SLCO1A2: variants seen among roughly 807,000 people sequenced by gnomAD.
The protein encoded by SLCO1A2 is solute carrier organic anion transporter family member 1A2, also known as OATP-1.
SLCO1A2 carries 67 observed loss-of-function variants against 69.0 expected under a neutral mutation model. The ratio of observed to expected loss-of-function variants is 0.97; its 90% confidence interval spans 0.80 to 1.19. The LOEUF (loss-of-function observed/expected upper bound fraction) is 1.19, where lower values mean the gene tolerates loss of function less well. SLCO1A2 is among the 50% of genes most tolerant of loss of function. The pLI is 0.00. For synonymous variants in SLCO1A2, 260 were observed against 265.9 expected (o/e 0.98, Z 0.22); for missense variants, 787 against 793.7 (o/e 0.99, Z 0.10).
At chr12:21,363,343 C>T (rs368253653) in intron 2 of SLCO1A2, among the ~76,000 whole-genome samples, 30 of 152,198 alleles carry the variant, frequency 2.0e-4, no homozygotes, top group African/African-American at 5.8e-4. Context: ...TTCTTTGAAA[C>T]GAATGAGAAC....
intron 1 of SLCO1A2, among the ~76,000 whole-genome samples, chr12:21,417,490 G>T (rs1203250541): frequency 6.7e-6 from 1 of 149,104 alleles, no homozygotes; most frequent in Non-Finnish European, 1.5e-5. Flanking sequence ...TTAAAAAGAG[G>T]CAATACCAGA....
intron 12 of SLCO1A2, among the ~76,000 whole-genome samples, chr12:21,281,634 A>C (rs940980059): frequency 3.9e-5 from 6 of 152,146 alleles, no homozygotes; most frequent in African/African-American, 1.4e-4. Flanking sequence ...ATTTGAAAAG[A>C]AAAACAAAAC....
In SLCO1A2 at chr12:21,410,482, G is replaced by A. The variant is rs202176340; in HGVS notation, c.-312+7400C>T. Among the ~76,000 whole-genome samples, 9 of 152,232 alleles carry A rather than the reference G, an allele frequency of 5.9e-5. No homozygotes were observed. In the East Asian group the frequency reaches 1.7e-3, roughly 29 times the overall value. On this transcript the variant is annotated intron_variant, in intron 1 of 4. Transcript: ENST00000413682. The stretch of plus-strand genomic sequence containing the variant: ...TCATTAATTTATTGATATAGCTGTA[G>A]AATAGTATACTGGGCAAATGCACCA...
At chr12:21,391,001 G>A (rs1191260739) in intron 1 of SLCO1A2, among the ~76,000 whole-genome samples, 1 of 152,078 alleles carries the variant, frequency 6.6e-6, no homozygotes, top group Non-Finnish European at 1.5e-5. Flanking sequence ...CATTTCAAAG[G>A]TGGGACATGT....
intron 1 of SLCO1A2, among the ~76,000 whole-genome samples, chr12:21,385,256 C>G (rs1940820076): frequency 6.6e-6 from 1 of 152,198 alleles, no homozygotes. Context: ...TGATCACTCA[C>G]TTCTTTGTAT....
chr12:21,279,864 CA>C (rs1944486899), intron 12 of SLCO1A2, among the ~76,000 whole-genome samples: 1 of 151,728 alleles, frequency 6.6e-6, no homozygotes, highest in Admixed American at 6.6e-5. Context: ...AAAGATGAAC[CA>C]ATCAAAAATA....
At chr12:21,345,190 T>G (rs143317361) in intron 2 of SLCO1A2, among the ~76,000 whole-genome samples, 206 of 152,150 alleles carry the variant, frequency 1.4e-3, no homozygotes, top group African/African-American at 4.7e-3. Flanking sequence ...TTTTTACACT[T>G]CTGACGTTTA....
intron 1 of SLCO1A2, among the ~76,000 whole-genome samples, chr12:21,413,543 G>A (rs922648348): frequency 6.6e-6 from 1 of 151,956 alleles, no homozygotes; most frequent in South Asian, 2.1e-4. Context: ...CCCACAGACA[G>A]GTCTGCATGA....
At chr12:21,359,203 G>C (rs1234962848) in intron 2 of SLCO1A2, among the ~76,000 whole-genome samples, 1 of 152,054 alleles carries the variant, frequency 6.6e-6, no homozygotes, top group Non-Finnish European at 1.5e-5. Context: ...TTCCTTCCAA[G>C]CATCCAGGTA....
chr12:21,340,820 A>G (rs1953044542), intron 2 of SLCO1A2, among the ~76,000 whole-genome samples: 1 of 151,860 alleles, frequency 6.6e-6, no homozygotes, highest in Non-Finnish European at 1.5e-5. Flanking sequence ...ACTTTCAAAG[A>G]CCCCAACATA....
chr12:21,344,494 A>T (rs1444606084), intron 2 of SLCO1A2, among the ~76,000 whole-genome samples: 1 of 152,030 alleles, frequency 6.6e-6, no homozygotes, highest in Non-Finnish European at 1.5e-5. Context: ...TGCCCCTCCC[A>T]GTTAGATATA....
intron 3 of SLCO1A2, among the ~76,000 whole-genome samples, chr12:21,318,520 C>A (rs946465957): frequency 6.6e-6 from 1 of 152,066 alleles, no homozygotes; most frequent in Non-Finnish European, 1.5e-5. Context: ...TACTCTGCTA[C>A]TCATGCTACA....
rs187367763 is a variant in SLCO1A2 at position 21,377,540 on chromosome 12, C to T, written c.-189-3015G>A. On this transcript the variant is annotated intron_variant, in intron 1 of 15. Transcript: ENST00000307378. ...CATCTTGCTTGACTGAAGCTGTACA[C>T]CCAATGGTTAGTAACTCCCTATTTC... Among the ~76,000 whole-genome samples the T allele has an allele frequency of 4.3e-3, 653 of 152,272 alleles. 6 individuals carry two copies. The highest frequency in any genetic ancestry group is 0.015 in the African/African-American group (626 of 41,546).
Position 21,304,593 on chromosome 12 carries a change from CAT to C in SLCO1A2, c.443-22_443-21del. On this transcript the variant is annotated intron_variant, in intron 5 of 14. Transcript: ENST00000683939. ...TACACTCTGCATTAAAAAAAAAAGACATGACATTAGTGCTTTGACGATAAAGT... is the reference window on the plus strand; with the variant it reads ...TACACTCTGCATTAAAAAAAAAAGACGACATTAGTGCTTTGACGATAAAGT... The C allele has an allele frequency of 6.3e-7, 1 of 1,575,958 alleles. No individual in the cohort carries two copies. The highest frequency in any genetic ancestry group is 1.2e-5 in the South Asian group (1 of 85,818).
At chr12:21,344,796 G>T (rs976619194) in intron 2 of SLCO1A2, among the ~76,000 whole-genome samples, 1 of 151,936 alleles carries the variant, frequency 6.6e-6, no homozygotes, top group African/African-American at 2.4e-5. Flanking sequence ...AAAAAGAAAA[G>T]GTAACAGTTT....
intron 1 of SLCO1A2, among the ~76,000 whole-genome samples, chr12:21,405,595 A>G (rs1222340627): frequency 1.3e-5 from 2 of 152,194 alleles, no homozygotes; most frequent in East Asian, 1.9e-4. Flanking sequence ...CGACCAAGGA[A>G]CAGAAAAGAG....
At chr12:21,373,074 G>A (rs1939917921) in intron 2 of SLCO1A2, 1 of 412,128 alleles carries the variant, frequency 2.4e-6, no homozygotes, top group African/African-American at 2.0e-5. Context: ...TTAAATTCAT[G>A]GTTTATTTCA....
At chr12:21,326,906 A>G (rs1461467184) in intron 2 of SLCO1A2, among the ~76,000 whole-genome samples, 1 of 152,224 alleles carries the variant, frequency 6.6e-6, no homozygotes, top group Non-Finnish European at 1.5e-5. Flanking sequence ...CCATTTTCTG[A>G]GGAGAAATTC....
At chr12:21,312,312 C>T (rs1464671092) in intron 4 of SLCO1A2, among the ~76,000 whole-genome samples, 1 of 152,198 alleles carries the variant, frequency 6.6e-6, no homozygotes, top group Non-Finnish European at 1.5e-5. Context: ...CTGCAGCTTC[C>T]TAATCTCTCT....
Sources: allele counts gnomAD v4.1 joint callset (sites outside exome capture counted in the v4.1 genomes callset), GRCh38; gene constraint gnomAD v4.1.1; transcripts MANE v1.5; gene names NCBI Gene and HGNC (gene_info 2026-07-23, HGNC 2026-07-21).